PHF21A: variants seen among roughly 807,000 people sequenced by gnomAD.
The protein encoded by PHF21A is BHC80a.
A neutral mutation model predicts 82.5 loss-of-function variants in PHF21A; 11 were observed. The ratio of observed to expected loss-of-function variants is 0.13; its 90% CI spans 0.08 to 0.22. PHF21A has a LOEUF of 0.22. Ranked by LOEUF, PHF21A falls within the 10% of genes least tolerant of loss-of-function variation. The pLI is 1.00. For synonymous variants in PHF21A, 297 were observed against 302.8 expected, an observed-to-expected ratio of 0.98 and a Z score of 0.20; for missense variants, 579 against 837.8, an observed-to-expected ratio of 0.69 and a Z score of 3.81.
chr11:46,040,353 A>T (rs2096105317), intron 6 of PHF21A, among the ~76,000 whole-genome samples: 1 of 152,230 alleles, frequency 6.6e-6, no homozygotes, highest in Non-Finnish European at 1.5e-5. Flanking sequence ...ATAAACAAAG[A>T]AAAATACTAT....
At chr11:45,935,417 A>G in intron 18 of PHF21A, 1 of 708,280 alleles carries the variant, frequency 1.4e-6, no homozygotes. Flanking sequence ...AGCCAAGAGG[A>G]TGTTACAGAG....
chr11:45,979,996 G>T (rs2094210539), intron 6 of PHF21A, 30 bp from the exon 7 acceptor site: 1 of 1,613,560 alleles, frequency 6.2e-7, no homozygotes, highest in Non-Finnish European at 8.5e-7. Context: ...AGAAATAAAA[G>T]ATATTAGAAT....
intron 6 of PHF21A, among the ~76,000 whole-genome samples, chr11:46,031,482 C>T (rs2095865377): frequency 6.6e-6 from 1 of 152,172 alleles, no homozygotes; most frequent in African/African-American, 2.4e-5. Context: ...AGCCTGGCAA[C>T]AGGAACCCAA....
chr11:46,100,880 T>C lies in PHF21A; in HGVS notation c.-236-8657A>G, dbSNP rs78757473. Among the ~76,000 whole-genome samples, 235 of 152,308 alleles carry C rather than the reference T, an allele frequency of 1.5e-3. 1 individual carries two copies. The highest frequency in any genetic ancestry group is 5.5e-3 in the African/African-American group (229 of 41,554). On this transcript the variant is annotated intron_variant, in intron 1 of 18. Coordinates refer to ENST00000676320, the MANE Select transcript of PHF21A (RefSeq NM_001352027.3). ...GCACATAGCAAGTTTCTAACCACTG[T>C]TACCACGTCTAAAGATAGCAGGTAG...
intron 6 of PHF21A, among the ~76,000 whole-genome samples, chr11:46,042,413 T>C (rs1237857830): frequency 1.3e-5 from 2 of 152,114 alleles, no homozygotes; most frequent in South Asian, 2.1e-4. Flanking sequence ...CATCACCACT[T>C]GAGCTGGTCT....
intron 6 of PHF21A, among the ~76,000 whole-genome samples, chr11:45,989,612 T>A (rs1239105056): frequency 6.6e-6 from 1 of 151,296 alleles, no homozygotes; most frequent in African/African-American, 2.4e-5. Flanking sequence ...GAGGTTGCAG[T>A]GAGCCAATAT....
intron 6 of PHF21A, among the ~76,000 whole-genome samples, chr11:46,007,738 G>A (rs2095329041): frequency 6.6e-6 from 1 of 152,178 alleles, no homozygotes; most frequent in Non-Finnish European, 1.5e-5. Flanking sequence ...AAAACGATGT[G>A]AAAGAAGTGA....
intron 6 of PHF21A, among the ~76,000 whole-genome samples, chr11:45,996,245 T>C (rs1454154062): frequency 2.0e-5 from 3 of 152,146 alleles, no homozygotes; most frequent in Admixed American, 1.3e-4. Flanking sequence ...TTTTCTAACC[T>C]TTGATAATGT....
chr11:45,957,763 AAAAAAAG>A (rs2092770329), intron 10 of PHF21A, among the ~76,000 whole-genome samples: 1 of 150,094 alleles, frequency 6.7e-6, no homozygotes, highest in Admixed American at 6.6e-5. Context: ...AAAAAAAAAA[AAAAAAAG>A]AAAAAAGAAA....
At chr11:46,033,163 A>G (rs1039852449) in intron 6 of PHF21A, among the ~76,000 whole-genome samples, 7 of 152,168 alleles carry the variant, frequency 4.6e-5, no homozygotes, top group Non-Finnish European at 1.0e-4. Flanking sequence ...CAGTTCATTC[A>G]TTTTTTAAAA....
chr11:46,098,242 C>T (rs1379779383), intron 1 of PHF21A, among the ~76,000 whole-genome samples: 1 of 152,142 alleles, frequency 6.6e-6, no homozygotes, highest in Admixed American at 6.5e-5. Flanking sequence ...ATCCACAATT[C>T]ACAGATGGGT....
chr11:45,950,834 G>A (rs541246968), intron 11 of PHF21A, among the ~76,000 whole-genome samples: 1 of 152,314 alleles, frequency 6.6e-6, no homozygotes, highest in Admixed American at 6.5e-5. Context: ...TCCAAATCCT[G>A]AGTGTTTCAC....
intron 6 of PHF21A, among the ~76,000 whole-genome samples, chr11:46,039,780 A>T (rs1435077308): frequency 1.3e-5 from 2 of 152,330 alleles, no homozygotes; most frequent in East Asian, 3.9e-4. Context: ...AAACTGCACA[A>T]TCTGCAGCTT....
chr11:46,039,385 T>C (rs1371086225), intron 6 of PHF21A, among the ~76,000 whole-genome samples: 1 of 152,186 alleles, frequency 6.6e-6, no homozygotes, highest in Non-Finnish European at 1.5e-5. Context: ...GCTAAATCAA[T>C]ATATGCGTGG....
intron 9 of PHF21A, among the ~76,000 whole-genome samples, chr11:45,966,791 G>C (rs576608550): frequency 6.6e-6 from 1 of 152,080 alleles, no homozygotes; most frequent in Non-Finnish European, 1.5e-5. Flanking sequence ...AGCTAATTTT[G>C]TATTTTTAGT....
intron 10 of PHF21A, among the ~76,000 whole-genome samples, chr11:45,958,413 AAAAAAAATATATATATAT>A (rs1199763612): frequency 3.7e-5 from 1 of 26,836 alleles, no homozygotes; most frequent in African/African-American, 1.1e-4. Flanking sequence ...AAAAAAAAAA[AAAAAAAATATATATATAT>A]ATATATATAT....
rs184885017 is a variant in PHF21A at position 46,042,019 on chromosome 11, A to G, written c.153+34735T>C. ...GTCTGTTTAAGTGTTAAAAATGGCA[A>G]TTTTCCTACTATACTTAATATGATT... On this transcript the variant is annotated intron_variant, in intron 6 of 18. Coordinates refer to ENST00000676320, the MANE Select transcript of PHF21A (RefSeq NM_001352027.3). 5.0e-3 allele frequency among the ~76,000 whole-genome samples: 762 copies of G among 152,186 alleles called. 4 individuals are homozygous for G. The highest frequency in any genetic ancestry group is 0.024 in the Middle Eastern group (7 of 294).
intron 6 of PHF21A, among the ~76,000 whole-genome samples, chr11:46,003,433 T>C (rs2095208270): frequency 6.6e-6 from 1 of 151,962 alleles, no homozygotes; most frequent in South Asian, 2.1e-4. Context: ...TTTATAAAAC[T>C]AAAGAGTCAT....
In PHF21A at chr11:45,964,200, A is replaced by AATAATAAT. The variant is rs2093293234; in HGVS notation, c.996+1114_996+1115insATTATTAT. ...GCAACAAGAGTGAAACTCCATCTCA[A>AATAATAAT]AATAATAATAATAATAATAATAATA... On this transcript the variant is annotated intron_variant, in intron 10 of 18. Coordinates refer to ENST00000676320, the MANE Select transcript of PHF21A (RefSeq NM_001352027.3). Among the ~76,000 whole-genome samples the AATAATAAT allele has an allele frequency of 5.0e-3, 675 of 134,606 alleles. 8 individuals are homozygous for AATAATAAT. Among genetic ancestry groups the AATAATAAT allele is most frequent in the African/African-American group, 0.017 (617 of 36,208 alleles). 88.3% of individuals were successfully genotyped at this position (134,606 alleles called of 152,430 possible).
Sources: gnomAD v4.1 joint callset for allele counts (sites outside exome capture counted in the v4.1 genomes callset) on GRCh38, gnomAD v4.1.1 for gene constraint, MANE v1.5 for transcripts, NCBI Gene and HGNC (gene_info 2026-07-23, HGNC 2026-07-21) for gene names.